KIF21B: variants seen among roughly 807,000 people sequenced by gnomAD.
The protein encoded by KIF21B is kinesin family member 21B.
Under a neutral mutation model 192.9 loss-of-function variants are expected in KIF21B, and 85 were observed. The observed-to-expected ratio is 0.44, with a 90% CI of 0.37 to 0.53. The LOEUF is 0.53. Among genes scored for constraint, KIF21B ranks in the 20% least tolerant of loss-of-function variants. The pLI is 0.00. For missense variants in KIF21B, 1,716 were observed against 2,194.8 expected, an observed-to-expected ratio of 0.78 and a Z score of 4.36; for synonymous variants, 832 against 884.6, an observed-to-expected ratio of 0.94 and a Z score of 1.05.
chr1:200,979,678 C>T lies in KIF21B; in HGVS notation c.4017G>A (p.Gln1339=). 6.4e-7 allele frequency: 1 copy of T among 1,566,218 alleles called. No individual in the cohort carries two copies. The highest frequency in any genetic ancestry group is 8.7e-7 in the Non-Finnish European group (1 of 1,155,316). ...SCKMWNLVTG[Q]EIAALKGHPN... is the part of the protein sequence containing the mutation. ...GGTGGCCCTTTAGAGCTGCGATCTC[C>T]TGTCCCGTAACCAAGTTCCACATCT... is the stretch of plus-strand genomic sequence containing the variant. The change falls in exon 30 of 35, where the codon CAG becomes CAA. Residue 1339 remains glutamine (Q), a synonymous_variant. Transcript: ENST00000461742.
Position 200,990,918 on chromosome 1 carries a change from G to T in KIF21B, c.2686C>A (p.Arg896=). Reference sequence around the variant, plus strand: ...CAGGGGACTGCCAGTCCACCTTACCGGGCAGGACGGGTGCCATTGACAGTG... The same window carrying T: ...CAGGGGACTGCCAGTCCACCTTACCTGGCAGGACGGGTGCCATTGACAGTG... The part of the protein sequence containing the change: ...APTVNGTRPA[R]KKFQKKGASQ... The change falls in exon 18 of 35, where the codon CGA becomes AGA. Residue 896 remains arginine (R), a splice_region_variant and synonymous_variant. Transcript: ENST00000461742. This position sits in a 1 kb window ranked among gnomAD's most constrained non-coding sequence, Gnocchi z 5.4. The T allele has an allele frequency of 6.2e-7, 1 of 1,614,048 alleles. No individual in the cohort carries two copies. Among genetic ancestry groups the T allele is most frequent in the South Asian group, 1.1e-5 (1 of 91,080 alleles).
Position 200,990,470 on chromosome 1 carries a change from G to C in KIF21B, c.2835+106C>G, listed in dbSNP as rs1017151013. The C allele has an allele frequency of 2.7e-6, 4 of 1,492,464 alleles. No homozygotes were observed. Among genetic ancestry groups the C allele is most frequent in the African/African-American group, 1.4e-5 (1 of 72,388 alleles). The allele number at this position is 1,492,464 out of a possible 1,614,324, so 92.5% of individuals were successfully genotyped here. A position where few individuals can be genotyped will look rare whatever the true frequency, so the allele number is the denominator to read the frequency against. On this transcript the variant is annotated intron_variant, in intron 19 of 34. Coordinates refer to ENST00000461742, the MANE Select transcript of KIF21B (RefSeq NM_001252102.2). The surrounding 1 kb of genome is among the most constrained non-coding windows in gnomAD (Gnocchi z 5.4). ...CTGGATTCCAGAGCAGGCAAAAGGA[G>C]CAGAGGGAAGTGGGGCAGGGAAAGG...
In KIF21B at chr1:200,972,356, G is replaced by A. The variant is rs1319636168; in HGVS notation, c.*1165C>T. On this transcript the variant is annotated 3_prime_UTR_variant, in exon 35 of 35. Coordinates refer to ENST00000461742, the MANE Select transcript of KIF21B (RefSeq NM_001252102.2). ...GTGGGGGACTGCAGGGCTGGGGAGG[G>A]GCGGGGGTCAGGGTGCCGGGCTGTC... 1 of 152,364 alleles carries A rather than the reference G, an allele frequency of 6.6e-6. No homozygotes were observed. Among genetic ancestry groups the A allele is most frequent in the Admixed American group, 6.5e-5 (1 of 15,276 alleles). The allele number at this position is 152,364 out of a possible 1,614,324, so 9.4% of individuals were successfully genotyped here.
chr1:201,006,572 C>T lies in KIF21B; in HGVS notation c.448-878G>A, dbSNP rs527719835. ...GGAAGAGGAGATGGAAAGGATGGTG[C>T]AGATGGGGGCCTACAATATCTGTCT... is the stretch of plus-strand genomic sequence containing the variant. On this transcript the variant is annotated intron_variant, in intron 3 of 34. Transcript: ENST00000461742. Among the ~76,000 whole-genome samples, 4 of 152,164 alleles carry T rather than the reference C, an allele frequency of 2.6e-5. No homozygotes were observed. In the South Asian group the frequency reaches 6.2e-4, roughly 24 times the overall value.
intron 3 of KIF21B, among the ~76,000 whole-genome samples, chr1:201,007,089 G>C (rs28413864): frequency 5.7e-5 from 6 of 105,144 alleles, no homozygotes; most frequent in South Asian, 3.2e-4. Flanking sequence ...CACACACACA[G>C]AGACAGACAC....
intron 29 of KIF21B, among the ~76,000 whole-genome samples, chr1:200,980,497 T>C (rs1289413035): frequency 6.6e-6 from 1 of 152,246 alleles, no homozygotes; most frequent in East Asian, 1.9e-4. Context: ...AGCAATTCTC[T>C]TGCCTCATGC....
At chr1:200,983,275 G>A (rs1218779208) in intron 27 of KIF21B, among the ~76,000 whole-genome samples, 181 bp from the exon 28 acceptor site, 1 of 152,122 alleles carries the variant, frequency 6.6e-6, no homozygotes, top group East Asian at 1.9e-4. Flanking sequence ...GGGCTGGTCT[G>A]GGAGCTGGGA....
Position 201,023,372 on chromosome 1 carries a change from C to G in KIF21B, c.12G>C (p.Gln4His). 6.5e-7 allele frequency: 1 copy of G among 1,528,244 alleles called. No individual in the cohort carries two copies. The highest frequency in any genetic ancestry group is 8.8e-7 in the Non-Finnish European group (1 of 1,140,146). 94.7% of individuals were successfully genotyped at this position (1,528,244 alleles called of 1,614,324 possible). The change falls in exon 1 of 35, where the codon CAG becomes CAC. Residue 4 changes from glutamine (Q) to histidine (H), a missense_variant. By Grantham distance (24) the Gln-to-His change is conservative. Coordinates refer to ENST00000461742, the MANE Select transcript of KIF21B (RefSeq NM_001252102.2). This position sits in a 1 kb window ranked among gnomAD's most constrained non-coding sequence, Gnocchi z 5.9. MAG[Q>H]GDCCVKVAVR... is the part of the protein sequence containing the mutation. ...CGGCCACCTTGACGCAGCAGTCCCC[C>G]TGGCCGGCCATGGCCCTCTGGAGCT...
chr1:200,999,559 G>A lies in KIF21B; in HGVS notation c.1768-93C>T. 1 of 1,554,882 alleles carries A rather than the reference G, an allele frequency of 6.4e-7. No individual in the cohort carries two copies. The highest frequency in any genetic ancestry group is 1.3e-5 in the African/African-American group (1 of 74,112). ...CCGACACAATGCCTCAGGTGTGTCA[G>A]GAGGGTGGGGATTGGGGCAGGCCAC... On this transcript the variant is annotated intron_variant, in intron 12 of 34. Coordinates refer to ENST00000461742, the MANE Select transcript of KIF21B (RefSeq NM_001252102.2). The surrounding 1 kb of genome is among the most constrained non-coding windows in gnomAD (Gnocchi z 4.7).
chr1:200,973,441 T>C lies in KIF21B; in HGVS notation c.*80A>G. 2.9e-6 allele frequency: 4 copies of C among 1,373,540 alleles called. No individual in the cohort carries two copies. The highest frequency in any genetic ancestry group is 3.7e-6 in the Non-Finnish European group (4 of 1,071,046). 85.1% of individuals were successfully genotyped at this position (1,373,540 alleles called of 1,614,324 possible). On this transcript the variant is annotated 3_prime_UTR_variant, in exon 35 of 35. Transcript: ENST00000461742. ...TCTGTCCCCAGAGCAGCTGGCCCCATCGGCCGGGTCACAGCTTCCCTTCCA... is the reference window on the plus strand; with the variant it reads ...TCTGTCCCCAGAGCAGCTGGCCCCACCGGCCGGGTCACAGCTTCCCTTCCA...
chr1:201,009,034 G>T, intron 2 of KIF21B, 83 bp from the exon 3 acceptor site: 1 of 1,460,432 alleles, frequency 6.8e-7, no homozygotes, highest in Non-Finnish European at 9.2e-7. Flanking sequence ...AATCCCCTTA[G>T]CTCATCTACC....
At position 200,980,956 on chromosome 1, in the gene KIF21B, A is replaced by G. The variant is rs1247016563; in HGVS notation, c.3979+4T>C. 1 of 1,607,754 alleles carries G rather than the reference A, an allele frequency of 6.2e-7. No individual in the cohort carries two copies. The highest frequency in any genetic ancestry group is 1.1e-5 in the South Asian group (1 of 89,762). The stretch of plus-strand genomic sequence containing the variant: ...CCTACCTGGCTAGTTGGCGTTCCAC[A>G]TACCTTTGGACCCTGTGAATAGCAA... On this transcript the variant is annotated splice_donor_region_variant and intron_variant, in intron 29 of 34. Transcript: ENST00000461742.
chr1:200,985,539 A>G (rs1656227167), intron 26 of KIF21B, among the ~76,000 whole-genome samples: 2 of 152,074 alleles, frequency 1.3e-5, no homozygotes, highest in African/African-American at 4.8e-5. Flanking sequence ...GCAAGAGGCC[A>G]TCTTGAGCCC....
chr1:200,973,736 G>C, intron 34 of KIF21B, 158 bp from the exon 35 acceptor site: 1 of 1,476,216 alleles, frequency 6.8e-7, no homozygotes, highest in Non-Finnish European at 8.9e-7. Flanking sequence ...GACTGCAGGT[G>C]GTGGGGTGCT....
rs1482531249 is a variant in KIF21B, at chr1:200,999,575, G to C, written c.1768-109C>G. ...GGTGTGTCAGGAGGGTGGGGATTGG[G>C]GCAGGCCACAGCTGAGCCCCCCTGC... On this transcript the variant is annotated intron_variant, in intron 12 of 34. Transcript: ENST00000461742. The surrounding 1 kb of genome is among the most constrained non-coding windows in gnomAD (Gnocchi z 4.7). 6.5e-7 allele frequency: 1 copy of C among 1,541,252 alleles called. No individual in the cohort carries two copies. Among genetic ancestry groups the C allele is most frequent in the Non-Finnish European group, 8.7e-7 (1 of 1,146,084 alleles).
chr1:201,005,027 C>T (rs777015664), intron 5 of KIF21B, 94 bp from the exon 6 acceptor site: 54 of 1,389,344 alleles, frequency 3.9e-5, no homozygotes, highest in Non-Finnish European at 4.2e-5. Context: ...GCACGGTGGA[C>T]GGCCAAGCGC....
At chr1:200,983,324 G>C (rs1475585638) in intron 27 of KIF21B, among the ~76,000 whole-genome samples, 1 of 152,108 alleles carries the variant, frequency 6.6e-6, no homozygotes, top group Non-Finnish European at 1.5e-5. Flanking sequence ...CTCTCGGCTG[G>C]CAAGGGAGGA....
In KIF21B at chr1:201,000,482, G is replaced by A. The variant is rs1375608032; in HGVS notation, c.1593C>T (p.Ala531=). 6.2e-7 allele frequency: 1 copy of A among 1,607,000 alleles called. No individual in the cohort carries two copies. The highest frequency in any genetic ancestry group is 1.7e-5 in the Admixed American group (1 of 58,864). Residue 531 remains alanine (A), a synonymous_variant, in exon 11 of 35, where the codon GCC becomes GCT. Coordinates refer to ENST00000461742, the MANE Select transcript of KIF21B (RefSeq NM_001252102.2). The surrounding 1 kb of genome is among the most constrained non-coding windows in gnomAD (Gnocchi z 6.0). ...PAAPAFGGSP[A]SSMEDASEVI... Reference sequence around the variant, plus strand: ...CCTCCGAGGCATCCTCCATGGAGCTGGCAGGGCTGCCCCCGAAGGCCGGGG... The same window carrying A: ...CCTCCGAGGCATCCTCCATGGAGCTAGCAGGGCTGCCCCCGAAGGCCGGGG...
intron 30 of KIF21B, among the ~76,000 whole-genome samples, chr1:200,977,600 C>G (rs1386451457): frequency 1.3e-5 from 2 of 152,170 alleles, no homozygotes; most frequent in Non-Finnish European, 2.9e-5. Context: ...GCCCATGTGC[C>G]TGGTCACTGG....
Sources: gnomAD v4.1 joint callset for allele counts (sites outside exome capture counted in the v4.1 genomes callset) on GRCh38, gnomAD v4.1.1 for gene constraint, Gnocchi (gnomAD v3.1) non-coding constraint, MANE v1.5 for transcripts, NCBI Gene and HGNC (gene_info 2026-07-23, HGNC 2026-07-21) for gene names.